Variants in AGAP3 observed in about 807,000 individuals in gnomAD.
AGAP3 encodes arf-GAP with GTPase, ANK repeat and PH domain-containing protein 3.
AGAP3 carries 24 observed loss-of-function variants against 96.9 expected under a neutral mutation model. The observed-to-expected ratio is 0.25, with a 90% CI of 0.18 to 0.35. AGAP3 has a LOEUF of 0.35. Among genes scored for constraint, AGAP3 ranks in the 10% least tolerant of loss-of-function variants. The pLI, the probability that AGAP3 is intolerant of heterozygous loss-of-function variation, is 1.00. For synonymous variants in AGAP3, 563 were observed against 536.1 expected (o/e 1.05, Z -0.69); for missense variants, 876 against 1,254.2 (o/e 0.70, Z 4.55).
rs374551644 is a variant in AGAP3 at position 151,117,357 on chromosome 7, G to A, written c.479-14G>A. ...TTCTCCACACTTTGGACCTGACTGC[G>A]CGCTCTGTCCTAGGGGGGCGGTTTA... is the stretch of plus-strand genomic sequence containing the variant. On this transcript the variant is annotated splice_polypyrimidine_tract_variant and intron_variant, in intron 3 of 17. Transcript: ENST00000397238. 9.7e-5 allele frequency: 156 copies of A among 1,613,950 alleles called. No individual in the cohort carries two copies. In the Middle Eastern group the frequency reaches 9.9e-4, roughly 10 times the overall value.
At chr7:151,120,867 T>C (rs1799849386) in intron 8 of AGAP3, 1 of 1,144,286 alleles carries the variant, frequency 8.7e-7, no homozygotes, top group Non-Finnish European at 1.1e-6. Context: ...CAGGGCCTGC[T>C]GTCTCTCCAC....
intron 9 of AGAP3, among the ~76,000 whole-genome samples, chr7:151,126,093 C>T (rs1417008654): frequency 6.2e-5 from 9 of 144,584 alleles, no homozygotes; most frequent in East Asian, 2.6e-4. Context: ...CCGGTCGTTC[C>T]GCCCGCGCCC....
chr7:151,104,644 A>G (rs999116984), intron 1 of AGAP3, among the ~76,000 whole-genome samples: 9 of 152,334 alleles, frequency 5.9e-5, no homozygotes, highest in Middle Eastern at 6.8e-3. Flanking sequence ...CTGCTGGCGC[A>G]CAGGGTGCAC....
chr7:151,122,504 C>CCCGCCG (rs199902776), intron 8 of AGAP3, among the ~76,000 whole-genome samples: 19 of 151,370 alleles, frequency 1.3e-4, no homozygotes, highest in African/African-American at 3.2e-4. Context: ...GCCGCTGCCG[C>CCCGCCG]CCGCCGCCGC....
At chr7:151,116,388 A>C (rs1487638616) in intron 1 of AGAP3, 2 of 193,212 alleles carry the variant, frequency 1.0e-5, no homozygotes, top group Non-Finnish European at 2.1e-5. Context: ...TCTGCCCCCC[A>C]ACCAGGTGCC....
In AGAP3 at chr7:151,114,763, C is replaced by T. The variant is rs1799461237; in HGVS notation, c.332-2030C>T. ...CATGGGCCTGGCCCGCGCCCGCCGG[C>T]CCTGAGCATGGAGCGGGGCTGGCCG... On this transcript the variant is annotated intron_variant, in intron 1 of 17. Transcript: ENST00000397238. This position sits in a 1 kb window ranked among gnomAD's most constrained non-coding sequence, Gnocchi z 4.4. 1 of 1,021,492 alleles carries T rather than the reference C, an allele frequency of 9.8e-7. No individual in the cohort carries two copies. Among genetic ancestry groups the T allele is most frequent in the Non-Finnish European group, 1.2e-6 (1 of 854,752 alleles). 63.3% of individuals were successfully genotyped at this position (1,021,492 alleles called of 1,614,324 possible).
chr7:151,090,307 A>G (rs1470134447), intron 1 of AGAP3: 1 of 141,172 alleles, frequency 7.1e-6, no homozygotes, highest in African/African-American at 2.6e-5. Flanking sequence ...TATGGCTACT[A>G]TTATGTGTGC....
chr7:151,120,535 C>T (rs1799830278), intron 8 of AGAP3: 1 of 952,798 alleles, frequency 1.0e-6, no homozygotes, highest in South Asian at 1.3e-5. Context: ...GAACCGGCGG[C>T]CGGAAGGCTG....
Position 151,120,633 on chromosome 7 carries a change from C to T in AGAP3, c.1128+488C>T, listed in dbSNP as rs186102557. ...TCGCCTTCCGGCTCTTTTTCCGTTA[C>T]CCCACTGCCGAGGGGAAAATTCATG... is the stretch of plus-strand genomic sequence containing the variant. On this transcript the variant is annotated intron_variant, in intron 8 of 17. Transcript: ENST00000397238. The T allele has an allele frequency of 1.6e-5, 21 of 1,290,822 alleles. No homozygotes were observed. In the African/African-American group the frequency reaches 2.6e-4, roughly 16 times the overall value. The allele number at this position is 1,290,822 out of a possible 1,614,324, so 80.0% of individuals were successfully genotyped here.
intron 10 of AGAP3, among the ~76,000 whole-genome samples, chr7:151,129,036 G>A (rs375544243): frequency 3.3e-4 from 50 of 152,290 alleles, no homozygotes; most frequent in African/African-American, 1.2e-3. Context: ...CTGGGCCTGG[G>A]ATGGTGGAGG....
At chr7:151,132,422 C>T (rs1033874731) in intron 10 of AGAP3, among the ~76,000 whole-genome samples, 3 of 152,162 alleles carry the variant, frequency 2.0e-5, no homozygotes, top group Non-Finnish European at 4.4e-5. Context: ...GGCAGGAGGG[C>T]ATAGGTAAGC....
intron 1 of AGAP3, among the ~76,000 whole-genome samples, chr7:151,095,770 T>C (rs1798581495): frequency 6.8e-6 from 1 of 146,734 alleles, no homozygotes; most frequent in African/African-American, 2.5e-5. Flanking sequence ...TTGAGAAGAG[T>C]TGGGACGTTT....
intron 9 of AGAP3, among the ~76,000 whole-genome samples, chr7:151,126,761 G>A (rs1246658377): frequency 6.6e-6 from 1 of 152,202 alleles, no homozygotes; most frequent in Non-Finnish European, 1.5e-5. Flanking sequence ...CAGCCTACCT[G>A]GAAGACTCCT....
At chr7:151,115,220 G>T in intron 1 of AGAP3, 1 of 1,001,346 alleles carries the variant, frequency 1.0e-6, no homozygotes, top group South Asian at 4.5e-5. Context: ...TGGGGCGCGC[G>T]GGCAGCGCGG....
intron 8 of AGAP3, chr7:151,120,763 GT>G: frequency 8.4e-7 from 1 of 1,191,670 alleles, no homozygotes; most frequent in Non-Finnish European, 1.1e-6. Context: ...CTGTCTCCTT[GT>G]GAGCTCCTCA....
intron 1 of AGAP3, among the ~76,000 whole-genome samples, chr7:151,098,476 G>A (rs760180607): frequency 1.3e-5 from 2 of 151,890 alleles, no homozygotes; most frequent in Non-Finnish European, 1.5e-5. Flanking sequence ...ATAGTGAGAC[G>A]CTGTCTCTAC....
At chr7:151,085,978 GGGAGC>G (rs926400940), upstream of AGAP3, 6 of 152,388 alleles carry the variant, frequency 3.9e-5, no homozygotes, top group African/African-American at 1.4e-4. Flanking sequence ...CTGGGGACAG[GGGAGC>G]CTATGCCGCA....
chr7:151,087,306 G>A, intron 1 of AGAP3: 1 of 564,422 alleles, frequency 1.8e-6, no homozygotes, highest in Non-Finnish European at 3.2e-6. Flanking sequence ...TCCAGGGCGC[G>A]AAGGTGGTGT....
chr7:151,123,066 C>A, intron 8 of AGAP3: 1 of 1,258,880 alleles, frequency 7.9e-7, no homozygotes, highest in Non-Finnish European at 1.0e-6. Context: ...GCCAGCGCGA[C>A]GAGGCCCAGA....
Sources: gnomAD v4.1 joint callset for allele counts (sites outside exome capture counted in the v4.1 genomes callset) on GRCh38, gnomAD v4.1.1 for gene constraint, Gnocchi (gnomAD v3.1) non-coding constraint, MANE v1.5 for transcripts, NCBI Gene and HGNC (gene_info 2026-07-23, HGNC 2026-07-21) for gene names.